PALB2: variants seen among roughly 807,000 people sequenced by gnomAD.
PALB2 encodes mutant partner and localizer of BRCA2.
In PALB2, 82 loss-of-function variants were observed where a neutral mutation model predicts 107.4. The ratio of observed to expected loss-of-function variants is 0.76; its 90% CI spans 0.64 to 0.92. The LOEUF (loss-of-function observed/expected upper bound fraction) is 0.92, where lower values mean the gene tolerates loss of function less well. PALB2 is among the 40% of genes least tolerant of loss of function. PALB2 has a pLI of 0.00. For missense variants in PALB2, 1,374 were observed against 1,379.9 expected (o/e 1.00, Z 0.07); for synonymous variants, 489 against 496.8 (o/e 0.98, Z 0.21).
chr16:23,634,521 A>G (rs1236241132), intron 4 of PALB2, among the ~76,000 whole-genome samples: 1 of 152,148 alleles, frequency 6.6e-6, no homozygotes, highest in Non-Finnish European at 1.5e-5. Context: ...GCATGGTGGT[A>G]CATGCCAGTA....
At chr16:23,612,927 A>G (rs1966613669) in intron 11 of PALB2, among the ~76,000 whole-genome samples, 1 of 150,904 alleles carries the variant, frequency 6.6e-6, no homozygotes, top group Non-Finnish European at 1.5e-5. Flanking sequence ...TAATTTTTGT[A>G]TTTTTAGTAG....
Position 23,635,796 on chromosome 16 carries a change from TA to T in PALB2, c.749del (p.Leu250TyrfsTer29). The T allele has an allele frequency of 6.2e-7, 1 of 1,614,176 alleles. No homozygotes were observed. ...TACTACCGCTATCTGATAGAGTCTG[TA>T]AAGGAACTGTAGTCGCCCTGGTGAA... is the stretch of plus-strand genomic sequence containing the variant. ...PNFTRATTVP[L>X]QTLSDSGSSQ... is the part of the protein sequence containing the mutation. On this transcript the variant is annotated frameshift_variant, in exon 4 of 13. Transcript: ENST00000261584. LOFTEE classifies it high-confidence loss of function.
At chr16:23,631,800 T>C (rs139881035) in intron 4 of PALB2, among the ~76,000 whole-genome samples, 38 of 152,332 alleles carry the variant, frequency 2.5e-4, no homozygotes, top group Middle Eastern at 3.4e-3. Context: ...CTTCTCACTA[T>C]GGAAAACTTA....
intron 10 of PALB2, among the ~76,000 whole-genome samples, chr16:23,619,133 T>G (rs1350782862): frequency 6.6e-6 from 1 of 152,182 alleles, no homozygotes; most frequent in Non-Finnish European, 1.5e-5. Context: ...AACTTCCTCT[T>G]ACCAAGACCC....
chr16:23,607,741 A>G, intron 12 of PALB2, 123 bp downstream of exon 12: 1 of 1,183,532 alleles, frequency 8.4e-7, no homozygotes, highest in Non-Finnish European at 1.2e-6. Flanking sequence ...GAATATTCCT[A>G]TCATGATATA....
Position 23,626,260 on chromosome 16 carries a change from T to C in PALB2, c.2724A>G (p.Lys908=). 1 of 1,614,116 alleles carries C rather than the reference T, an allele frequency of 6.2e-7. No individual in the cohort carries two copies. The highest frequency in any genetic ancestry group is 8.5e-7 in the Non-Finnish European group (1 of 1,180,016). ...CCTCTGCGAAGTGCCAGGTATAAAG[T>C]TTTTCCCACTGCCAAGCATCCAGAG... ...WKALDAWQWE[K]LYTWHFAEVP... is the part of the protein sequence containing the mutation. The change falls in exon 7 of 13, where the codon AAA becomes AAG. Residue 908 remains lysine, a synonymous_variant. Transcript: ENST00000261584.
intron 10 of PALB2, chr16:23,617,537 T>C (rs1025067859): frequency 2.0e-5 from 3 of 150,504 alleles, no homozygotes; most frequent in South Asian, 2.1e-4. Flanking sequence ...CTAGGCAACA[T>C]GGGAAGACCC....
At chr16:23,609,191 G>C (rs1394270608) in intron 11 of PALB2, among the ~76,000 whole-genome samples, 2 of 152,192 alleles carry the variant, frequency 1.3e-5, no homozygotes, top group Non-Finnish European at 2.9e-5. Context: ...AGGTAACTCA[G>C]GAGGCCGAGG....
intron 11 of PALB2, among the ~76,000 whole-genome samples, chr16:23,610,479 T>G (rs1966565231): frequency 6.6e-6 from 1 of 151,720 alleles, no homozygotes; most frequent in African/African-American, 2.4e-5. Context: ...CAGCTAATTT[T>G]TGTATTTTTA....
Position 23,641,284 on chromosome 16 carries a change from G to A in PALB2, c.-127C>T. The stretch of plus-strand genomic sequence containing the variant: ...TGGGGAGCCCGGGATCGCACCCTCA[G>A]TGCGCGATCAGCTGACCCACGCGGG... On this transcript the variant is annotated 5_prime_UTR_variant, in exon 1 of 13. Transcript: ENST00000261584. The A allele has an allele frequency of 7.8e-7, 1 of 1,283,374 alleles. No homozygotes were observed. The allele number at this position is 1,283,374 out of a possible 1,614,324, so 79.5% of individuals were successfully genotyped here. A position where few individuals can be genotyped will look rare whatever the true frequency, so the allele number is the denominator to read the frequency against.
rs1555459357 is a variant in PALB2, at chr16:23,621,368, A to G, written c.3107T>C (p.Val1036Ala). 1 of 1,607,344 alleles carries G rather than the reference A, an allele frequency of 6.2e-7. No individual in the cohort carries two copies. The highest frequency in any genetic ancestry group is 1.1e-5 in the South Asian group (1 of 90,940). ...LLGTTIMNNI[V>A]IWNLKTGQLL... ...ACCTAGAGGGAAAGCTTACCAAATAACAATGTTGTTCATAATAGTAGTACC... is the reference window on the plus strand; with the variant it reads ...ACCTAGAGGGAAAGCTTACCAAATAGCAATGTTGTTCATAATAGTAGTACC... The change falls in exon 10 of 13, where the codon GTT becomes GCT. Residue 1036 changes from valine to alanine, a missense_variant. Val to Ala is a moderately conservative substitution (Grantham distance 64). Coordinates refer to ENST00000261584, the MANE Select transcript of PALB2 (RefSeq NM_024675.4).
chr16:23,603,476 C>G lies in PALB2; in HGVS notation c.3544G>C (p.Val1182Leu), dbSNP rs876660474. The change falls in exon 13 of 13, where the codon GTA (valine) becomes CTA (leucine). Residue 1182 changes from valine (V) to leucine (L), a missense_variant. Val to Leu is a conservative substitution (Grantham distance 32). Coordinates refer to ENST00000261584, the MANE Select transcript of PALB2 (RefSeq NM_024675.4). ...LAGQKDGNIFVYHYS is the reference protein window; with the variant it reads ...LAGQKDGNIFLYHYS The stretch of plus-strand genomic sequence containing the variant: ...ACCCTAACTTATGAATAGTGGTATA[C>G]AAATATATTTCCATCTTTTTGTCCA... 6.2e-7 allele frequency: 1 copy of G among 1,613,230 alleles called. No homozygotes were observed. The highest frequency in any genetic ancestry group is 8.5e-7 in the Non-Finnish European group (1 of 1,179,232).
rs1057522269 is a variant in PALB2 at position 23,630,342 on chromosome 16, C to T, written c.1812G>A (p.Leu604=). The change falls in exon 5 of 13, where the codon CTG becomes CTA. Residue 604 remains leucine, a synonymous_variant. Coordinates refer to ENST00000261584, the MANE Select transcript of PALB2 (RefSeq NM_024675.4). ...RDGMLSLKQL[L]SFLSITDFQL... is the part of the protein sequence containing the mutation. ...GAAAGTCTGTGATACTGAGAAAAGA[C>T]AGTAGTTGCTTTAAACTCAGCATTC... 5 of 1,614,154 alleles carry T rather than the reference C, an allele frequency of 3.1e-6. No individual in the cohort carries two copies. The highest frequency in any genetic ancestry group is 4.2e-6 in the Non-Finnish European group (5 of 1,180,020).
At chr16:23,604,227 T>G (rs965023999) in intron 12 of PALB2, among the ~76,000 whole-genome samples, 100 of 152,254 alleles carry the variant, frequency 6.6e-4, no homozygotes, top group African/African-American at 2.0e-3. Flanking sequence ...ATGCCATCTA[T>G]GAAGCAGAAA....
At chr16:23,625,779 C>T (rs1966841383) in intron 7 of PALB2, among the ~76,000 whole-genome samples, 1 of 151,956 alleles carries the variant, frequency 6.6e-6, no homozygotes, top group African/African-American at 2.4e-5. Flanking sequence ...GCCTGGGTGA[C>T]AGAGCAGGAC....
intron 4 of PALB2, among the ~76,000 whole-genome samples, chr16:23,631,073 G>C (rs1241658264): frequency 1.3e-5 from 2 of 149,174 alleles, no homozygotes; most frequent in Non-Finnish European, 3.0e-5. Flanking sequence ...AGACCAGCCT[G>C]GCCAACATGG....
At chr16:23,607,500 T>C in intron 12 of PALB2, 1 of 323,054 alleles carries the variant, frequency 3.1e-6, no homozygotes, top group Non-Finnish European at 6.1e-6. Context: ...CTTGCTCTGT[T>C]GTCCAAGTTG....
rs1218512317 is a variant in PALB2 at position 23,607,890 on chromosome 16, G to T, written c.3324C>A (p.Tyr1108Ter). The change falls in exon 12 of 13, where the codon TAC (tyrosine) becomes TAA (stop). Residue 1108 changes from tyrosine (Y) to a stop codon, truncating the protein, a stop_gained. Transcript: ENST00000261584. LOFTEE classifies it high-confidence loss of function. ...KTTLSVGVML[Y>*]CLPPGQAGRF... ...TGCCAGCCTGCCCTGGAGGAAGACAGTACAGCATCACACCCACGCTGAGAG... is the reference window on the plus strand; with the variant it reads ...TGCCAGCCTGCCCTGGAGGAAGACATTACAGCATCACACCCACGCTGAGAG... The T allele has an allele frequency of 6.2e-7, 1 of 1,614,012 alleles. No homozygotes were observed. Among genetic ancestry groups the T allele is most frequent in the South Asian group, 1.1e-5 (1 of 91,074 alleles).
At position 23,635,194 on chromosome 16, in the gene PALB2, A is replaced by G; in HGVS notation, c.1352T>C (p.Leu451Ser). The G allele has an allele frequency of 6.2e-7, 1 of 1,614,140 alleles. No individual in the cohort carries two copies. Among genetic ancestry groups the G allele is most frequent in the Non-Finnish European group, 8.5e-7 (1 of 1,180,012 alleles). ...GTCAGTTTCCTCATTGGAAAGGTTT[A>G]AATTTTTACTTGCATCCTTATTTTT... ...KNKNKDASKN[L>S]NLSNEETDQS... is the part of the protein sequence containing the mutation. The change falls in exon 4 of 13, where the codon TTA becomes TCA. Residue 451 changes from leucine (L) to serine (S), a missense_variant. Physicochemically the swap from Leu to Ser is moderately radical, Grantham distance 145 (BLOSUM62 -2). Coordinates refer to ENST00000261584, the MANE Select transcript of PALB2 (RefSeq NM_024675.4).
Sources: allele counts gnomAD v4.1 joint callset (sites outside exome capture counted in the v4.1 genomes callset), GRCh38; gene constraint gnomAD v4.1.1; transcripts MANE v1.5; gene names NCBI Gene and HGNC (gene_info 2026-07-23, HGNC 2026-07-21).